Variants in PPM1H observed in about 807,000 individuals in gnomAD.
The protein encoded by PPM1H is protein phosphatase 1H.
A neutral mutation model predicts 54.9 loss-of-function variants in PPM1H; 27 were observed. The ratio of observed to expected loss-of-function variants is 0.49; its 90% CI spans 0.36 to 0.68. The LOEUF (loss-of-function observed/expected upper bound fraction) is 0.68, where lower values mean the gene tolerates loss of function less well. Among genes scored for constraint, PPM1H ranks in the 30% least tolerant of loss-of-function variants. PPM1H has a pLI of 0.00. For synonymous variants in PPM1H, 305 were observed against 270.8 expected (o/e 1.13, Z -1.24); for missense variants, 596 against 667.8 (o/e 0.89, Z 1.19).
chr12:62,800,232 G>A lies in PPM1H; in HGVS notation c.756+1584C>T, dbSNP rs568250067. ...ACACTACCTGATGCCGTGAGATCCT[G>A]GAACATGCACCATGTGCCTATCCGG... On this transcript the variant is annotated intron_variant, in intron 3 of 9. Coordinates refer to ENST00000228705, the MANE Select transcript of PPM1H (RefSeq NM_020700.2). Among the ~76,000 whole-genome samples the A allele has an allele frequency of 5.3e-5, 8 of 152,188 alleles. No individual in the cohort carries two copies. In the East Asian group the frequency reaches 1.5e-3, roughly 29 times the overall value.
intron 4 of PPM1H, among the ~76,000 whole-genome samples, chr12:62,757,225 A>G (rs1042535333): frequency 6.6e-6 from 1 of 152,194 alleles, no homozygotes; most frequent in Non-Finnish European, 1.5e-5. Context: ...GGGAACAGGA[A>G]AGGAGGAAGA....
intron 4 of PPM1H, among the ~76,000 whole-genome samples, chr12:62,775,601 A>G (rs2076605506): frequency 6.6e-6 from 1 of 150,786 alleles, no homozygotes; most frequent in South Asian, 2.1e-4. Flanking sequence ...AATGAATATT[A>G]TATATAAATG....
chr12:62,678,841 C>G (rs2076002307), intron 8 of PPM1H, among the ~76,000 whole-genome samples: 1 of 152,108 alleles, frequency 6.6e-6, no homozygotes, highest in Non-Finnish European at 1.5e-5. Flanking sequence ...CAGGCATGCA[C>G]CACCATGCCT....
chr12:62,707,121 TGAA>T (rs1442610419), intron 6 of PPM1H, among the ~76,000 whole-genome samples: 1 of 152,186 alleles, frequency 6.6e-6, no homozygotes, highest in Non-Finnish European at 1.5e-5. Flanking sequence ...TAGCATTTAC[TGAA>T]GATGAGCAGG....
In PPM1H at chr12:62,693,927, C is replaced by T. The variant is rs369075539; in HGVS notation, c.1137+9G>A. 428 of 1,610,462 alleles carry T rather than the reference C, an allele frequency of 2.7e-4. 2 individuals carry two copies. In the Middle Eastern group the frequency reaches 6.8e-3, roughly 25 times the overall value. ...GTCCTCTCTACCCAGGGGAAGCACA[C>T]GTGCCTACCTTCTTGCCTTCTCCAT... On this transcript the variant is annotated intron_variant, in intron 7 of 9. Coordinates refer to ENST00000228705, the MANE Select transcript of PPM1H (RefSeq NM_020700.2).
chr12:62,925,519 A>G (rs1339016871), intron 1 of PPM1H, among the ~76,000 whole-genome samples: 3 of 152,224 alleles, frequency 2.0e-5, no homozygotes, highest in Non-Finnish European at 4.4e-5. Flanking sequence ...CAGGTGTTGT[A>G]GTGAGCCAAG....
At chr12:62,648,701 G>A in intron 9 of PPM1H, 65 bp from the exon 10 acceptor site, 1 of 1,531,436 alleles carries the variant, frequency 6.5e-7, no homozygotes. Context: ...GGTCAAGTGA[G>A]GCTGGGAAGG....
At chr12:62,781,528 G>C (rs1282808979) in intron 4 of PPM1H, among the ~76,000 whole-genome samples, 1 of 152,226 alleles carries the variant, frequency 6.6e-6, no homozygotes, top group African/African-American at 2.4e-5. Context: ...AGATGCCCAG[G>C]GGTAGACTTT....
chr12:62,663,574 C>G (rs1417130716), intron 9 of PPM1H, among the ~76,000 whole-genome samples: 1 of 152,184 alleles, frequency 6.6e-6, no homozygotes, highest in African/African-American at 2.4e-5. Flanking sequence ...CTCCAGGGTA[C>G]AGACCTAAGA....
chr12:62,709,468 C>T (rs541768798), intron 6 of PPM1H, among the ~76,000 whole-genome samples: 2 of 152,112 alleles, frequency 1.3e-5, no homozygotes, highest in Non-Finnish European at 2.9e-5. Flanking sequence ...ATTTTCACTC[C>T]TCTGGGCTTC....
chr12:62,748,529 AACACACACACACACACACAC>A (rs3052402), intron 4 of PPM1H, among the ~76,000 whole-genome samples: 1 of 147,290 alleles, frequency 6.8e-6, no homozygotes, highest in Non-Finnish European at 1.5e-5. Flanking sequence ...TTCAGTGTAG[AACACACACACACACACACAC>A]ACACACACAC....
intron 1 of PPM1H, among the ~76,000 whole-genome samples, chr12:62,837,723 C>T (rs924209391): frequency 2.6e-5 from 4 of 152,190 alleles, no homozygotes; most frequent in Non-Finnish European, 5.9e-5. Context: ...GTGCCTGGTA[C>T]ATAGTAAGCA....
Position 62,699,970 on chromosome 12 carries a change from A to G in PPM1H, c.1074-5971T>C, listed in dbSNP as rs73310498. ...ATCCCTCTTGCTCCTAAGGCACATG[A>G]GTGATGCTTATAGTTCCTACATCAA... On this transcript the variant is annotated intron_variant, in intron 6 of 9. Transcript: ENST00000228705. 3.2e-3 allele frequency among the ~76,000 whole-genome samples: 490 copies of G among 152,234 alleles called. 1 individual carries two copies. Among genetic ancestry groups the G allele is most frequent in the African/African-American group, 0.011 (470 of 41,536 alleles).
chr12:62,851,937 A>G (rs562097320), intron 1 of PPM1H, among the ~76,000 whole-genome samples: 1 of 151,986 alleles, frequency 6.6e-6, no homozygotes, highest in East Asian at 2.0e-4. Context: ...CTGTTAAGAG[A>G]TGGGGCTTTT....
At chr12:62,858,464 T>TCATC (rs5798661) in intron 1 of PPM1H, among the ~76,000 whole-genome samples, 22 of 151,812 alleles carry the variant, frequency 1.4e-4, no homozygotes, top group Non-Finnish European at 2.6e-4. Flanking sequence ...TTGTTGTTGT[T>TCATC]GTTTTTTTCA....
At chr12:62,702,578 G>GAGAGAC (rs2076150219) in intron 6 of PPM1H, among the ~76,000 whole-genome samples, 2 of 151,678 alleles carry the variant, frequency 1.3e-5, no homozygotes, top group South Asian at 4.2e-4. Flanking sequence ...GAGAGAGAGA[G>GAGAGAC]AGAAATACCA....
intron 2 of PPM1H, 91 bp downstream of exon 2, chr12:62,832,023 C>A (rs1294302917): frequency 2.1e-6 from 3 of 1,441,830 alleles, no homozygotes; most frequent in Admixed American, 3.9e-5. Context: ...ACTTCCATTC[C>A]AGATTTAGGT....
At chr12:62,770,448 T>C (rs1016368486) in intron 4 of PPM1H, among the ~76,000 whole-genome samples, 6 of 152,208 alleles carry the variant, frequency 3.9e-5, no homozygotes, top group Non-Finnish European at 8.8e-5. Context: ...AATCAGTATA[T>C]AACCTGCTCT....
At position 62,934,727 on chromosome 12, in the gene PPM1H, G is replaced by C. The variant is rs1367076882; in HGVS notation, c.10C>G (p.Arg4Gly). 28 of 1,594,956 alleles carry C rather than the reference G, an allele frequency of 1.8e-5. No homozygotes were observed. The highest frequency in any genetic ancestry group is 2.4e-5 in the Non-Finnish European group (28 of 1,169,000). The change falls in exon 1 of 10, where the codon CGA becomes GGA. Residue 4 changes from arginine (R) to glycine (G), a missense_variant. By Grantham distance (125) the Arg-to-Gly change is moderately radical. This residue lies in a region of PPM1H where 382 missense variants were observed against 387.1 expected (regional missense o/e 0.99). Transcript: ENST00000228705. The surrounding 1 kb of genome is among the most constrained non-coding windows in gnomAD (Gnocchi z 4.2). The part of the protein sequence containing the change: MLT[R>G]VKSAVANFMG... ...AAATTGGCCACGGCAGATTTCACTC[G>C]AGTGAGCATATTACTCCGGCGCCCG...
Sources: gnomAD v4.1 joint callset for allele counts (sites outside exome capture counted in the v4.1 genomes callset) on GRCh38, gnomAD v4.1.1 for gene constraint, gnomAD v4.1.1 regional missense constraint, Gnocchi (gnomAD v3.1) non-coding constraint, MANE v1.5 for transcripts, NCBI Gene and HGNC (gene_info 2026-07-23, HGNC 2026-07-21) for gene names.